The following RAB27B variants were observed in gnomAD, a reference collection of about 807,000 sequenced individuals.
RAB27B encodes the protein RAB27B, member RAS oncogene family.
In RAB27B, 15 loss-of-function variants were observed where a neutral mutation model predicts 24.6. The observed-to-expected ratio is 0.61, with a 90% CI of 0.41 to 0.94. The LOEUF is 0.94. Among genes scored for constraint, RAB27B ranks in the 40% least tolerant of loss-of-function variants. RAB27B has a pLI of 0.00. For synonymous variants in RAB27B, 105 were observed against 92.5 expected (o/e 1.14, Z -0.78); for missense variants, 261 against 266.8 (o/e 0.98, Z 0.15).
chr18:54,872,543 T>C (rs1368925345), intron 1 of RAB27B, among the ~76,000 whole-genome samples: 1 of 151,604 alleles, frequency 6.6e-6, no homozygotes, highest in Non-Finnish European at 1.5e-5. Context: ...GAGAATGGCT[T>C]TAACTCGGGA....
intron 2 of RAB27B, among the ~76,000 whole-genome samples, chr18:54,747,013 T>A (rs1910271294): frequency 6.6e-6 from 1 of 152,160 alleles, no homozygotes; most frequent in Admixed American, 6.6e-5. Flanking sequence ...TCCCTGTAAA[T>A]AAAATAAAAT....
chr18:54,808,936 G>A (rs967497992), intron 2 of RAB27B, among the ~76,000 whole-genome samples: 8 of 152,330 alleles, frequency 5.3e-5, no homozygotes, highest in Admixed American at 2.0e-4. Flanking sequence ...AAGCCATGCT[G>A]CTAAGATGAG....
intron 2 of RAB27B, among the ~76,000 whole-genome samples, chr18:54,766,848 A>C (rs563799544): frequency 6.6e-6 from 1 of 152,274 alleles, no homozygotes; most frequent in East Asian, 1.9e-4. Context: ...TGCCTAGGGA[A>C]TTTTTAATGT....
chr18:54,826,364 G>A (rs934108337), upstream of RAB27B, among the ~76,000 whole-genome samples: 3 of 152,072 alleles, frequency 2.0e-5, no homozygotes, highest in Non-Finnish European at 4.4e-5. Flanking sequence ...TCTACCTCTG[G>A]TCAAAGTGGC....
intron 2 of RAB27B, among the ~76,000 whole-genome samples, chr18:54,725,149 G>A (rs1184639981): frequency 1.3e-5 from 2 of 151,420 alleles, no homozygotes; most frequent in South Asian, 2.1e-4. Flanking sequence ...CCTCTAAAGG[G>A]TGCCACTTAT....
At chr18:54,867,666 C>T (rs938015242) in intron 1 of RAB27B, among the ~76,000 whole-genome samples, 7 of 151,900 alleles carry the variant, frequency 4.6e-5, no homozygotes, top group Non-Finnish European at 7.4e-5. Context: ...AGGCTGGTCT[C>T]AAACTCCTGA....
chr18:54,761,383 G>A (rs1175183163), intron 2 of RAB27B, among the ~76,000 whole-genome samples: 2 of 152,098 alleles, frequency 1.3e-5, no homozygotes, highest in East Asian at 1.9e-4. Flanking sequence ...ATTCATCTCT[G>A]CCACATAAAT....
At chr18:54,868,947 G>T (rs752761876) in intron 1 of RAB27B, among the ~76,000 whole-genome samples, 2 of 152,118 alleles carry the variant, frequency 1.3e-5, no homozygotes, top group Non-Finnish European at 2.9e-5. Context: ...CCTTACAAAG[G>T]CTTATCTGAA....
In RAB27B at chr18:54,889,524, T is replaced by C; in HGVS notation, c.*111T>C. 3.1e-6 allele frequency: 3 copies of C among 978,362 alleles called. No homozygotes were observed. Among genetic ancestry groups the C allele is most frequent in the Non-Finnish European group, 4.4e-6 (3 of 689,174 alleles). The allele number at this position is 978,362 out of a possible 1,614,324, so 60.6% of individuals were successfully genotyped here. On this transcript the variant is annotated 3_prime_UTR_variant, in exon 6 of 6. Transcript: ENST00000262094. ...AACCACGCACAATGGCATGTCTTTC[T>C]TTTTCTGCCAGAAAATCTATTTTAA... is the stretch of plus-strand genomic sequence containing the variant.
At chr18:54,755,081 A>G (rs1295496002) in intron 2 of RAB27B, among the ~76,000 whole-genome samples, 1 of 152,182 alleles carries the variant, frequency 6.6e-6, no homozygotes, top group Non-Finnish European at 1.5e-5. Flanking sequence ...ATGCTTGCTT[A>G]CTTGCATTTT....
rs1313842870 is a variant in RAB27B, at chr18:54,895,045, G to T, written c.*5632G>T. 6.6e-6 allele frequency: 1 copy of T among 151,890 alleles called. No homozygotes were observed. Among genetic ancestry groups the T allele is most frequent in the Non-Finnish European group, 1.5e-5 (1 of 67,914 alleles). The allele number at this position is 151,890 out of a possible 1,614,324, so 9.4% of individuals were successfully genotyped here. On this transcript the variant is annotated 3_prime_UTR_variant, in exon 6 of 6. Coordinates refer to ENST00000262094, the MANE Select transcript of RAB27B (RefSeq NM_004163.4). ...TCAAAATATTCCATGTACAAATAGG[G>T]CTTCTGTGTCCATAGCCTTGTAAGA...
At chr18:54,776,737 T>A (rs1908726529) in intron 2 of RAB27B, among the ~76,000 whole-genome samples, 1 of 152,192 alleles carries the variant, frequency 6.6e-6, no homozygotes, top group Non-Finnish European at 1.5e-5. Flanking sequence ...CAGCACCATG[T>A]CAGTCACACA....
intron 1 of RAB27B, among the ~76,000 whole-genome samples, chr18:54,876,907 GT>G (rs1284846838): frequency 6.6e-6 from 1 of 151,868 alleles, no homozygotes; most frequent in Non-Finnish European, 1.5e-5. Flanking sequence ...AAATGCACTG[GT>G]TTTAAAACAC....
intron 2 of RAB27B, among the ~76,000 whole-genome samples, chr18:54,723,507 G>T (rs1052464443): frequency 6.6e-6 from 1 of 152,080 alleles, no homozygotes; most frequent in Non-Finnish European, 1.5e-5. Flanking sequence ...AGTTCAGGAG[G>T]TCTACTAATC....
intron 2 of RAB27B, among the ~76,000 whole-genome samples, chr18:54,762,621 G>A (rs1159134790): frequency 6.6e-6 from 1 of 152,114 alleles, no homozygotes; most frequent in Non-Finnish European, 1.5e-5. Flanking sequence ...CTTTCCTTCA[G>A]ATGTGTGCTA....
intron 2 of RAB27B, among the ~76,000 whole-genome samples, chr18:54,782,114 A>G (rs1042599254): frequency 1.2e-4 from 18 of 152,250 alleles, no homozygotes; most frequent in African/African-American, 3.4e-4. Context: ...GCAATAGTTA[A>G]CATTCCATTG....
chr18:54,777,181 TAATAA>T (rs1416016560), intron 2 of RAB27B, among the ~76,000 whole-genome samples: 32 of 152,230 alleles, frequency 2.1e-4, no homozygotes, highest in African/African-American at 7.0e-4. Context: ...AATAACTTTT[TAATAA>T]AATGCATGAA....
intron 2 of RAB27B, among the ~76,000 whole-genome samples, chr18:54,791,224 A>G (rs1568066978): frequency 1.3e-5 from 2 of 151,704 alleles, no homozygotes; most frequent in Non-Finnish European, 2.9e-5. Context: ...AAAGAAGAAG[A>G]AGAAAGAAAG....
intron 2 of RAB27B, among the ~76,000 whole-genome samples, chr18:54,768,198 G>A (rs961726826): frequency 6.6e-6 from 1 of 151,976 alleles, no homozygotes; most frequent in African/African-American, 2.4e-5. Flanking sequence ...AGATATAACA[G>A]CAAATCAAAA....
Sources: gnomAD v4.1 joint callset for allele counts (sites outside exome capture counted in the v4.1 genomes callset) on GRCh38, gnomAD v4.1.1 for gene constraint, MANE v1.5 for transcripts, NCBI Gene and HGNC (gene_info 2026-07-23, HGNC 2026-07-21) for gene names.